The following DNAJC21 variants were observed in gnomAD, a reference collection of about 807,000 sequenced individuals.
DNAJC21 encodes dnaJ homolog subfamily C member 21.
DNAJC21 carries 63 observed loss-of-function variants against 72.4 expected under a neutral mutation model. The ratio of observed to expected loss-of-function variants is 0.87; its 90% CI spans 0.71 to 1.07. The LOEUF (loss-of-function observed/expected upper bound fraction) is 1.07. Ranked by LOEUF, DNAJC21 falls within the 50% of genes least tolerant of loss-of-function variation. DNAJC21 has a pLI of 0.00. For missense variants in DNAJC21, 634 were observed against 644.8 expected, an observed-to-expected ratio of 0.98 and a Z score of 0.18; for synonymous variants, 203 against 216.7, an observed-to-expected ratio of 0.94 and a Z score of 0.56.
Position 34,929,842 on chromosome 5 carries a change from T to C in DNAJC21, c.23T>C (p.Leu8Pro), listed in dbSNP as rs757534884. Residue 8 changes from leucine (L) to proline (P), a missense_variant, in exon 1 of 12, where the codon CTG becomes CCG. By Grantham distance (98) the Leu-to-Pro change is moderately conservative (BLOSUM62 -3). Coordinates refer to ENST00000648817, the MANE Select transcript of DNAJC21 (RefSeq NM_001012339.3). MKCHYEA[L>P]GVRRDASEEE... ...GCGATGAAGTGTCACTATGAGGCGCTGGGGGTGCGGCGCGACGCCAGCGAG... is the reference window on the plus strand; with the variant it reads ...GCGATGAAGTGTCACTATGAGGCGCCGGGGGTGCGGCGCGACGCCAGCGAG... 6.4e-7 allele frequency: 1 copy of C among 1,564,510 alleles called. No homozygotes were observed. Among genetic ancestry groups the C allele is most frequent in the Non-Finnish European group, 8.7e-7 (1 of 1,155,704 alleles).
At position 34,955,257 on chromosome 5, in the gene DNAJC21, T is replaced by A. The variant is rs1765501361; in HGVS notation, c.*543T>A. On this transcript the variant is annotated 3_prime_UTR_variant, in exon 12 of 12. Coordinates refer to ENST00000648817, the MANE Select transcript of DNAJC21 (RefSeq NM_001012339.3). The stretch of plus-strand genomic sequence containing the variant: ...AGAACAGTGATAGGTAGAAACTAAT[T>A]GAACATTTGGTAGTCTTTCAAGAAT... 2 of 152,270 alleles carry A rather than the reference T, an allele frequency of 1.3e-5. No individual in the cohort carries two copies. The allele number at this position is 152,270 out of a possible 1,614,324, so 9.4% of individuals were successfully genotyped here. A position where few individuals can be genotyped will look rare whatever the true frequency, so the allele number is the denominator to read the frequency against.
chr5:34,946,867 A>G (rs1186107959), intron 9 of DNAJC21, among the ~76,000 whole-genome samples: 2 of 152,192 alleles, frequency 1.3e-5, no homozygotes, highest in Non-Finnish European at 2.9e-5. Flanking sequence ...CCATAAACAC[A>G]TACGTTAGTA....
At chr5:34,931,176 A>G (rs1764578025) in intron 1 of DNAJC21, among the ~76,000 whole-genome samples, 2 of 152,190 alleles carry the variant, frequency 1.3e-5, no homozygotes, top group African/African-American at 4.8e-5. Flanking sequence ...GGGAATGGCT[A>G]TGGTGATGGA....
chr5:34,954,743 T>C lies in DNAJC21; in HGVS notation c.*29T>C. ...TTCTGCCTGTGCTTTTGTTTGACTG[T>C]CTCTAGATTTTGAAACCAAAAAACT... is the stretch of plus-strand genomic sequence containing the variant. On this transcript the variant is annotated 3_prime_UTR_variant, in exon 12 of 12. Transcript: ENST00000648817. The C allele has an allele frequency of 1.3e-6, 2 of 1,524,966 alleles. No individual in the cohort carries two copies. Among genetic ancestry groups the C allele is most frequent in the African/African-American group, 1.4e-5 (1 of 71,316 alleles). 94.5% of individuals were successfully genotyped at this position (1,524,966 alleles called of 1,614,324 possible). A position where few individuals can be genotyped will look rare whatever the true frequency, so the allele number is the denominator to read the frequency against.
At chr5:34,936,122 T>G in intron 3 of DNAJC21, 22 bp from the exon 4 acceptor site, 1 of 1,594,836 alleles carries the variant, frequency 6.3e-7, no homozygotes, top group Non-Finnish European at 8.5e-7. Flanking sequence ...ATTAAGAATT[T>G]GTTTTTGTTA....
rs1765553950 is a variant in DNAJC21, at chr5:34,956,936, G to A, written c.*2222G>A. ...AGGATCATTATGAAAGTAAAATGAAGTAGTATATATGAAAATGCTTTTTAA... is the reference window on the plus strand; with the variant it reads ...AGGATCATTATGAAAGTAAAATGAAATAGTATATATGAAAATGCTTTTTAA... On this transcript the variant is annotated 3_prime_UTR_variant, in exon 12 of 12. Transcript: ENST00000648817. 6.6e-6 allele frequency: 1 copy of A among 152,140 alleles called. No individual in the cohort carries two copies. The highest frequency in any genetic ancestry group is 6.5e-5 in the Admixed American group (1 of 15,270). 9.4% of individuals were successfully genotyped at this position (152,140 alleles called of 1,614,324 possible). A position where few individuals can be genotyped will look rare whatever the true frequency, so the allele number is the denominator to read the frequency against.
At chr5:34,951,397 G>T in intron 10 of DNAJC21, 3 of 985,482 alleles carry the variant, frequency 3.0e-6, no homozygotes, top group Non-Finnish European at 3.6e-6. Flanking sequence ...CAACTTGAAG[G>T]CACCCAGATC....
Position 34,956,581 on chromosome 5 carries a change from CAT to C in DNAJC21, c.*1868_*1869del, listed in dbSNP as rs1765544380. On this transcript the variant is annotated 3_prime_UTR_variant, in exon 12 of 12. Transcript: ENST00000648817. The stretch of plus-strand genomic sequence containing the variant: ...AATGAACCAGAGGACATACTAGTCA[CAT>C]GTTATTATACACTAAAAAATAGGAA... 6.6e-6 allele frequency: 1 copy of C among 152,324 alleles called. No individual in the cohort carries two copies. The highest frequency in any genetic ancestry group is 3.4e-3 in the Middle Eastern group (1 of 294). The allele number at this position is 152,324 out of a possible 1,614,324, so 9.4% of individuals were successfully genotyped here. A position where few individuals can be genotyped will look rare whatever the true frequency, so the allele number is the denominator to read the frequency against.
intron 1 of DNAJC21, chr5:34,930,311 TC>T (rs1764546609): frequency 6.4e-6 from 1 of 156,670 alleles, no homozygotes; most frequent in Non-Finnish European, 1.4e-5. Flanking sequence ...TCGGTGTTTT[TC>T]CTCCGCTGCC....
intron 9 of DNAJC21, 72 bp downstream of exon 9, chr5:34,945,875 G>A (rs1308897560): frequency 2.8e-6 from 3 of 1,090,164 alleles, no homozygotes; most frequent in East Asian, 5.1e-5. Context: ...ATTCAGTGTA[G>A]TCTGTGTTAA....
At chr5:34,933,706 C>G in intron 1 of DNAJC21, 109 bp from the exon 2 acceptor site, 2 of 739,260 alleles carry the variant, frequency 2.7e-6, no homozygotes, top group South Asian at 3.7e-5. Context: ...CTGGTTGTTT[C>G]TTGTTTTGTG....
rs772450417 is a variant in DNAJC21 at position 34,958,307 on chromosome 5, C to T, written c.*3593C>T. 3 of 152,146 alleles carry T rather than the reference C, an allele frequency of 2.0e-5. No homozygotes were observed. Among genetic ancestry groups the T allele is most frequent in the Admixed American group, 6.5e-5 (1 of 15,280 alleles). 9.4% of individuals were successfully genotyped at this position (152,146 alleles called of 1,614,324 possible). On this transcript the variant is annotated 3_prime_UTR_variant, in exon 12 of 12. Transcript: ENST00000648817. Reference sequence around the variant, plus strand: ...TAGAGGTCAGTCAAGGGATCCCTGACGAGAATAAAGAGCCCAGAAACAGGT... The same window carrying T: ...TAGAGGTCAGTCAAGGGATCCCTGATGAGAATAAAGAGCCCAGAAACAGGT...
chr5:34,937,621 A>C lies in DNAJC21; in HGVS notation c.734A>C (p.Lys245Thr). The stretch of plus-strand genomic sequence containing the variant: ...GAGATGAGGCGGCAGCAGAAGCTAA[A>C]GCAGGCCAAGTGCGTAGCGTGCGTG... ...AEEMRRQQKLKQAKLVEQYRE... is the reference protein window; with the variant it reads ...AEEMRRQQKLTQAKLVEQYRE... Residue 245 changes from lysine to threonine, a missense_variant, in exon 5 of 12, where the codon AAG becomes ACG. Physicochemically the swap from Lys to Thr is moderately conservative, Grantham distance 78. Transcript: ENST00000648817. 1 of 1,612,398 alleles carries C rather than the reference A, an allele frequency of 6.2e-7. No homozygotes were observed. Among genetic ancestry groups the C allele is most frequent in the Non-Finnish European group, 8.5e-7 (1 of 1,178,988 alleles).
In DNAJC21 at chr5:34,942,906, T is replaced by C. The variant is rs571439897; in HGVS notation, c.983+1723T>C. Among the ~76,000 whole-genome samples the C allele has an allele frequency of 2.0e-5, 3 of 152,262 alleles. No homozygotes were observed. The East Asian group carries it at 5.8e-4, about 29-fold the overall frequency. On this transcript the variant is annotated intron_variant, in intron 7 of 11. Transcript: ENST00000648817. ...CAACATGGAGAAACCCCGTCTCTACTAAAACTACAAAATTAGCTGGGCGTG... is the reference window on the plus strand; with the variant it reads ...CAACATGGAGAAACCCCGTCTCTACCAAAACTACAAAATTAGCTGGGCGTG...
intron 10 of DNAJC21, 72 bp from the exon 11 acceptor site, chr5:34,953,853 AG>A (rs1765455779): frequency 8.7e-7 from 1 of 1,152,404 alleles, no homozygotes; most frequent in African/African-American, 1.6e-5. Flanking sequence ...TGAGTGTTCT[AG>A]AGAGCACTCA....
intron 4 of DNAJC21, among the ~76,000 whole-genome samples, chr5:34,936,909 C>T (rs1478273300): frequency 6.6e-6 from 1 of 152,106 alleles, no homozygotes; most frequent in Non-Finnish European, 1.5e-5. Context: ...CACCACCATG[C>T]TCAGCTAATT....
At position 34,929,748 on chromosome 5, in the gene DNAJC21, C is replaced by T; in HGVS notation, c.-72C>T. ...AGAGGACTGCCAGCGCCGCCGCCGC[C>T]GCCGCTTCGGCCCGGGCCCGGGCCC... On this transcript the variant is annotated 5_prime_UTR_variant, in exon 1 of 12. Coordinates refer to ENST00000648817, the MANE Select transcript of DNAJC21 (RefSeq NM_001012339.3). 1.3e-6 allele frequency: 1 copy of T among 790,306 alleles called. No individual in the cohort carries two copies. The allele number at this position is 790,306 out of a possible 1,614,324, so 49.0% of individuals were successfully genotyped here. A position where few individuals can be genotyped will look rare whatever the true frequency, so the allele number is the denominator to read the frequency against.
At chr5:34,945,400 G>A (rs1170016181) in intron 8 of DNAJC21, among the ~76,000 whole-genome samples, 4 of 152,102 alleles carry the variant, frequency 2.6e-5, no homozygotes, top group Non-Finnish European at 5.9e-5. Flanking sequence ...TTATCCCAAG[G>A]AAGTTATTCT....
intron 10 of DNAJC21, chr5:34,951,725 C>T (rs1446336613): frequency 7.0e-6 from 6 of 856,860 alleles, no homozygotes; most frequent in Non-Finnish European, 8.4e-6. Flanking sequence ...ACGGTTTCAC[C>T]ATGTTGCACA....
Sources: gnomAD v4.1 joint callset for allele counts (sites outside exome capture counted in the v4.1 genomes callset) on GRCh38, gnomAD v4.1.1 for gene constraint, MANE v1.5 for transcripts, NCBI Gene and HGNC (gene_info 2026-07-23, HGNC 2026-07-21) for gene names.